Variants in LRRN1 observed in about 807,000 individuals in gnomAD.
LRRN1 encodes leucine rich repeat neuronal 1, also known as leucine-rich repeat neuronal protein 1.
A neutral mutation model predicts 45.8 loss-of-function variants in LRRN1; 14 were observed. The ratio of observed to expected loss-of-function variants is 0.31; its 90% CI spans 0.20 to 0.48. The LOEUF is 0.48. Among genes scored for constraint, LRRN1 ranks in the 20% least tolerant of loss-of-function variants. LRRN1 has a pLI of 0.99. For missense variants in LRRN1, 789 were observed against 874.2 expected (o/e 0.90, Z 1.23); for synonymous variants, 359 against 330.1 (o/e 1.09, Z -0.95).
rs1266821369 is a variant in LRRN1, at chr3:3,844,833, A to G, written c.192A>G (p.Thr64=). Reference sequence around the variant, plus strand: ...TTGATTGCAATGACCTCCGCTTAACAAGGATTCCCAGTAACCTCTCTAGTG... The same window carrying G: ...TTGATTGCAATGACCTCCGCTTAACGAGGATTCCCAGTAACCTCTCTAGTG... ...TTVDCNDLRL[T]RIPSNLSSDT... Residue 64 remains threonine (T), a synonymous_variant, in exon 2 of 2, where the codon ACA becomes ACG. Coordinates refer to ENST00000319331, the MANE Select transcript of LRRN1 (RefSeq NM_020873.7). 1 of 1,614,200 alleles carries G rather than the reference A, an allele frequency of 6.2e-7. No homozygotes were observed. Among genetic ancestry groups the G allele is most frequent in the African/African-American group, 1.3e-5 (1 of 75,056 alleles).
chr3:3,818,010 C>T (rs570386027), intron 1 of LRRN1, among the ~76,000 whole-genome samples: 5 of 152,152 alleles, frequency 3.3e-5, no homozygotes, highest in Admixed American at 3.3e-4. Flanking sequence ...CTTTCAGTGC[C>T]CACAGTGACG....
At chr3:3,814,862 A>G (rs1053208557) in intron 1 of LRRN1, among the ~76,000 whole-genome samples, 2 of 152,202 alleles carry the variant, frequency 1.3e-5, no homozygotes, top group Non-Finnish European at 2.9e-5. Context: ...CCCAGCCTCC[A>G]GAACTGTGAG....
intron 1 of LRRN1, among the ~76,000 whole-genome samples, chr3:3,830,721 G>A (rs1211068353): frequency 6.6e-6 from 1 of 152,156 alleles, no homozygotes; most frequent in Non-Finnish European, 1.5e-5. Context: ...GCTTGAGCCC[G>A]ATCATGTATA....
rs769412611 is a variant in LRRN1, at chr3:3,845,976, A to G, written c.1335A>G (p.Leu445=). The change falls in exon 2 of 2, where the codon CTA becomes CTG. Residue 445 remains leucine, a synonymous_variant. Transcript: ENST00000319331. The surrounding 1 kb of genome is among the most constrained non-coding windows in gnomAD (Gnocchi z 6.5). ...TGGATATCGGCACGACGGTTTTCCT[A>G]GACTGTCGAGCCATGGCTGAGCCAG... ...LNVDIGTTVF[L]DCRAMAEPEP... is the part of the protein sequence containing the mutation. The G allele has an allele frequency of 6.2e-7, 1 of 1,614,088 alleles. No individual in the cohort carries two copies. The highest frequency in any genetic ancestry group is 1.7e-5 in the Admixed American group (1 of 60,018).
chr3:3,843,592 T>C (rs1693692542), intron 1 of LRRN1, among the ~76,000 whole-genome samples: 1 of 149,514 alleles, frequency 6.7e-6, no homozygotes, highest in East Asian at 2.0e-4. Flanking sequence ...CCCCTGGCCA[T>C]AGGCAACTAC....
chr3:3,827,941 A>T (rs191131107), intron 1 of LRRN1, among the ~76,000 whole-genome samples: 36 of 152,240 alleles, frequency 2.4e-4, no homozygotes, highest in African/African-American at 8.4e-4. Flanking sequence ...AATATTGATA[A>T]TAACTCTTTA....
rs1026679144 is a variant in LRRN1, at chr3:3,827,640, C to T, written c.-278-16724C>T. On this transcript the variant is annotated intron_variant, in intron 1 of 1. Coordinates refer to ENST00000319331, the MANE Select transcript of LRRN1 (RefSeq NM_020873.7). ...GATCTATTTGGAGCCTGAGAAAAAG[C>T]TAAAAGAATGATGTTTTTTGAACAT... The T allele has an allele frequency of 1.3e-5, 5 of 383,710 alleles. No individual in the cohort carries two copies. The East Asian group carries it at 3.7e-4, about 28-fold the overall frequency. The allele number at this position is 383,710 out of a possible 1,614,324, so 23.8% of individuals were successfully genotyped here.
At chr3:3,837,850 T>A (rs1391194086) in intron 1 of LRRN1, among the ~76,000 whole-genome samples, 1 of 152,050 alleles carries the variant, frequency 6.6e-6, no homozygotes, top group East Asian at 1.9e-4. Context: ...AAGCCCAACA[T>A]GCATTAGCTG....
chr3:3,842,229 G>T (rs956615151), intron 1 of LRRN1, among the ~76,000 whole-genome samples: 2 of 151,964 alleles, frequency 1.3e-5, no homozygotes, highest in African/African-American at 4.8e-5. Context: ...TCTTTATGGT[G>T]GCACAAGACT....
At chr3:3,811,787 A>G (rs1310630263) in intron 1 of LRRN1, among the ~76,000 whole-genome samples, 2 of 152,216 alleles carry the variant, frequency 1.3e-5, no homozygotes, top group African/African-American at 2.4e-5. Context: ...ACATGGTGTT[A>G]TTTCTGTCCA....
intron 1 of LRRN1, among the ~76,000 whole-genome samples, chr3:3,809,821 C>T (rs963837453): frequency 6.6e-6 from 1 of 152,176 alleles, no homozygotes; most frequent in Non-Finnish European, 1.5e-5. Flanking sequence ...TAGCACAGTT[C>T]CTCTTCCAAG....
At chr3:3,828,974 T>G (rs1693299113) in intron 1 of LRRN1, among the ~76,000 whole-genome samples, 1 of 148,978 alleles carries the variant, frequency 6.7e-6, no homozygotes, top group Non-Finnish European at 1.5e-5. Flanking sequence ...CTCAGCAGGT[T>G]GTGTTTTCTT....
At chr3:3,808,438 T>C (rs551298707) in intron 1 of LRRN1, among the ~76,000 whole-genome samples, 18 of 152,314 alleles carry the variant, frequency 1.2e-4, no homozygotes, top group Middle Eastern at 6.8e-3. Context: ...GTGTATGTAA[T>C]AAATATTTGT....
intron 1 of LRRN1, among the ~76,000 whole-genome samples, chr3:3,839,704 G>A (rs1056858879): frequency 6.6e-6 from 1 of 152,082 alleles, no homozygotes; most frequent in Non-Finnish European, 1.5e-5. Flanking sequence ...TGCCTCCTCA[G>A]TTCGATTCAT....
At chr3:3,830,379 C>A (rs1327153282) in intron 1 of LRRN1, among the ~76,000 whole-genome samples, 1 of 152,234 alleles carries the variant, frequency 6.6e-6, no homozygotes, top group African/African-American at 2.4e-5. Context: ...ACTCACACAT[C>A]TGGCCATTTC....
At chr3:3,824,699 C>T (rs1693178369) in intron 1 of LRRN1, among the ~76,000 whole-genome samples, 1 of 152,166 alleles carries the variant, frequency 6.6e-6, no homozygotes, top group Non-Finnish European at 1.5e-5. Flanking sequence ...ATAAATGATT[C>T]ATTGATGGAG....
chr3:3,829,572 T>A (rs1176342702), intron 1 of LRRN1, among the ~76,000 whole-genome samples: 1 of 152,194 alleles, frequency 6.6e-6, no homozygotes, highest in Non-Finnish European at 1.5e-5. Flanking sequence ...CTGCAAATAT[T>A]GTCACCTAGT....
In LRRN1 at chr3:3,799,490, C is replaced by G. The variant is rs371233950; in HGVS notation, c.-708C>G. The G allele has an allele frequency of 6.6e-6, 1 of 151,948 alleles. No individual in the cohort carries two copies. Among genetic ancestry groups the G allele is most frequent in the South Asian group, 2.1e-4 (1 of 4,828 alleles). 9.4% of individuals were successfully genotyped at this position (151,948 alleles called of 1,614,324 possible). A position where few individuals can be genotyped will look rare whatever the true frequency, so the allele number is the denominator to read the frequency against. The stretch of plus-strand genomic sequence containing the variant: ...ACGAGCCGGTGAACGAGGCGAGGCC[C>G]GTGCGCCCGCGGCTGCAAGCGCCCG... On this transcript the variant is annotated 5_prime_UTR_variant, in exon 1 of 2. Coordinates refer to ENST00000319331, the MANE Select transcript of LRRN1 (RefSeq NM_020873.7).
intron 1 of LRRN1, among the ~76,000 whole-genome samples, chr3:3,821,665 A>G (rs535160591): frequency 3.9e-5 from 6 of 152,272 alleles, no homozygotes; most frequent in African/African-American, 1.4e-4. Context: ...GAGTCTAGAG[A>G]AAAGGATGGA....
Sources: gnomAD v4.1 joint callset for allele counts (sites outside exome capture counted in the v4.1 genomes callset) on GRCh38, gnomAD v4.1.1 for gene constraint, Gnocchi (gnomAD v3.1) non-coding constraint, MANE v1.5 for transcripts, NCBI Gene and HGNC (gene_info 2026-07-23, HGNC 2026-07-21) for gene names.